Variants in LCP2 observed in about 807,000 individuals in gnomAD.
The protein encoded by LCP2 is 76 kDa tyrosine phosphoprotein.
LCP2 carries 29 observed loss-of-function variants against 74.5 expected under a neutral mutation model. The ratio of observed to expected loss-of-function variants is 0.39; its 90% confidence interval spans 0.29 to 0.53. The LOEUF is 0.53. LCP2 is among the 20% of genes least tolerant of loss of function. LCP2 has a pLI of 0.72. For missense variants in LCP2, 604 were observed against 634.6 expected (o/e 0.95, Z 0.52); for synonymous variants, 228 against 229.5 (o/e 0.99, Z 0.06).
intron 1 of LCP2, among the ~76,000 whole-genome samples, chr5:170,294,894 C>T (rs1179324387): frequency 2.0e-5 from 3 of 152,182 alleles, no homozygotes; most frequent in Non-Finnish European, 4.4e-5. Context: ...CAGACTGGGA[C>T]CCAGGCATTT....
chr5:170,288,725 C>CT (rs1762227748), intron 2 of LCP2, among the ~76,000 whole-genome samples: 1 of 152,164 alleles, frequency 6.6e-6, no homozygotes, highest in Admixed American at 6.5e-5. Context: ...GGGATTTCCA[C>CT]TTGTGGGGGA....
intron 19 of LCP2, chr5:170,251,521 A>T (rs569553826): frequency 1.7e-5 from 6 of 362,458 alleles, no homozygotes; most frequent in Non-Finnish European, 3.4e-5. Context: ...TAAAGATCTA[A>T]TATTAAAATA....
At chr5:170,261,747 G>A (rs540652981) in intron 13 of LCP2, among the ~76,000 whole-genome samples, 44 of 152,266 alleles carry the variant, frequency 2.9e-4, no homozygotes, top group Non-Finnish European at 4.7e-4. Flanking sequence ...TTAGGGCTGC[G>A]ACAGGCATCT....
At chr5:170,291,420 A>C (rs1442035528) in intron 2 of LCP2, among the ~76,000 whole-genome samples, 1 of 152,212 alleles carries the variant, frequency 6.6e-6, no homozygotes, top group Non-Finnish European at 1.5e-5. Context: ...TACATCCCCC[A>C]GTTGCAGGGA....
At chr5:170,284,461 T>TG (rs1458494421) in intron 3 of LCP2, among the ~76,000 whole-genome samples, 4 of 152,202 alleles carry the variant, frequency 2.6e-5, no homozygotes, top group African/African-American at 9.6e-5. Flanking sequence ...TATGTCTTTT[T>TG]TTTTTTTTCT....
At chr5:170,288,243 T>G (rs1762219753) in intron 2 of LCP2, among the ~76,000 whole-genome samples, 1 of 148,926 alleles carries the variant, frequency 6.7e-6, no homozygotes, top group African/African-American at 2.5e-5. Context: ...AGGGAATCCT[T>G]AAGTCTGGGT....
At chr5:170,264,328 A>G (rs1262172072) in intron 10 of LCP2, among the ~76,000 whole-genome samples, 1 of 152,234 alleles carries the variant, frequency 6.6e-6, no homozygotes, top group Non-Finnish European at 1.5e-5. Flanking sequence ...TGACTTTGAT[A>G]TGGTCCATGT....
chr5:170,265,545 G>A (rs9313499), intron 10 of LCP2, among the ~76,000 whole-genome samples: 1,846 of 152,214 alleles, frequency 0.012, 40 homozygotes, highest in African/African-American at 0.041. Context: ...CTGATGTCTC[G>A]GCTCGTGGTA....
chr5:170,275,053 G>A (rs1215701255), intron 5 of LCP2, among the ~76,000 whole-genome samples: 1 of 151,686 alleles, frequency 6.6e-6, no homozygotes, highest in East Asian at 1.9e-4. Flanking sequence ...GGGTCCCTCT[G>A]TTTTCCTCTA....
At chr5:170,259,420 C>A (rs1761615893) in intron 14 of LCP2, among the ~76,000 whole-genome samples, 1 of 152,176 alleles carries the variant, frequency 6.6e-6, no homozygotes, top group Non-Finnish European at 1.5e-5. Context: ...CGGTGGCTTA[C>A]AAGGTTCATC....
In LCP2 at chr5:170,275,758, G is replaced by A; in HGVS notation, c.254+37C>T. ...CCCTTTTAAGGTTCAACTCGGGACT[G>A]AAAAATCTTGCGTTTCCTTACACCA... On this transcript the variant is annotated intron_variant, in intron 4 of 20. Coordinates refer to ENST00000046794, the MANE Select transcript of LCP2 (RefSeq NM_005565.5). 3 of 1,541,136 alleles carry A rather than the reference G, an allele frequency of 1.9e-6. No individual in the cohort carries two copies. In the African/African-American group the frequency reaches 4.1e-5, roughly 21 times the overall value.
At chr5:170,283,153 C>T (rs1762130977) in intron 3 of LCP2, among the ~76,000 whole-genome samples, 1 of 152,168 alleles carries the variant, frequency 6.6e-6, no homozygotes, top group African/African-American at 2.4e-5. Flanking sequence ...GTTCTATGGG[C>T]AGGCTTCACA....
intron 1 of LCP2, among the ~76,000 whole-genome samples, chr5:170,295,689 C>A (rs1233429602): frequency 6.6e-6 from 1 of 152,140 alleles, no homozygotes; most frequent in Non-Finnish European, 1.5e-5. Context: ...CTCTGCGGTC[C>A]ATTCGTTTGG....
intron 20 of LCP2, among the ~76,000 whole-genome samples, chr5:170,249,362 G>GTACA (rs1554139298): frequency 9.2e-6 from 1 of 108,146 alleles, no homozygotes; most frequent in African/African-American, 3.1e-5. Context: ...GCATGCGTGT[G>GTACA]TATATATATA....
chr5:170,289,671 T>TTCTTTCTTTCTC (rs1554141414), intron 2 of LCP2, among the ~76,000 whole-genome samples: 59 of 84,118 alleles, frequency 7.0e-4, no homozygotes, highest in Non-Finnish European at 1.0e-3. Context: ...CTTTCTTTCT[T>TTCTTTCTTTCTC]TCTCTCTCTC....
intron 3 of LCP2, among the ~76,000 whole-genome samples, chr5:170,277,242 T>C (rs956347896): frequency 3.3e-5 from 5 of 152,170 alleles, no homozygotes; most frequent in Admixed American, 3.3e-4. Flanking sequence ...CCCTTTCTGC[T>C]GCAAGCTCTC....
At chr5:170,251,205 G>A in intron 19 of LCP2, 1 of 233,768 alleles carries the variant, frequency 4.3e-6, no homozygotes, top group Non-Finnish European at 8.4e-6. Flanking sequence ...GTGGATAAAA[G>A]GCCAGGAGAA....
Position 170,297,616 on chromosome 5 carries a change from G to T in LCP2, c.-5C>A. ...GGGCACATTCCTCAGTGCCATGGCT[G>T]CTCTCCCGGGAAGAAGCTCACAAGC... On this transcript the variant is annotated 5_prime_UTR_variant, in exon 1 of 21. Coordinates refer to ENST00000046794, the MANE Select transcript of LCP2 (RefSeq NM_005565.5). 6.2e-7 allele frequency: 1 copy of T among 1,606,522 alleles called. No homozygotes were observed. The highest frequency in any genetic ancestry group is 8.5e-7 in the Non-Finnish European group (1 of 1,176,192).
chr5:170,268,460 G>T lies in LCP2; in HGVS notation c.546C>A (p.Thr182=). The T allele has an allele frequency of 3.4e-6, 1 of 291,402 alleles. No individual in the cohort carries two copies. The highest frequency in any genetic ancestry group is 6.1e-6 in the Non-Finnish European group (1 of 164,984). The allele number at this position is 291,402 out of a possible 1,614,324, so 18.1% of individuals were successfully genotyped here. ...GGGGGGGCACAGGAGGCTGCTGGGG[G>T]GTTTTCCCAGAGGGGGGCCGGTCTG... is the stretch of plus-strand genomic sequence containing the variant. ...MYIDRPPSGK[T]PQQPPVPPQR... is the part of the protein sequence containing the mutation. The change falls in exon 8 of 21, where the codon ACC becomes ACA. Residue 182 remains threonine, a synonymous_variant. Coordinates refer to ENST00000046794, the MANE Select transcript of LCP2 (RefSeq NM_005565.5).
Sources: allele counts gnomAD v4.1 joint callset (sites outside exome capture counted in the v4.1 genomes callset), GRCh38; gene constraint gnomAD v4.1.1; transcripts MANE v1.5; gene names NCBI Gene and HGNC (gene_info 2026-07-23, HGNC 2026-07-21).